The following MEGF11 variants were observed in gnomAD, a reference collection of about 807,000 sequenced individuals.
MEGF11 encodes the protein multiple epidermal growth factor-like domains protein 11.
Under a neutral mutation model 146.6 loss-of-function variants are expected in MEGF11, and 126 were observed. That is an observed-to-expected ratio of 0.86 (90% CI 0.74 to 1.00). The LOEUF (loss-of-function observed/expected upper bound fraction) is 1.00, where lower values mean the gene tolerates loss of function less well. MEGF11 is among the 50% of genes least tolerant of loss of function. The probability of loss-of-function intolerance (pLI) is 0.00; values close to 1 mark genes in which losing one functional copy is unlikely to be tolerated. For synonymous variants in MEGF11, 532 were observed against 583.4 expected (o/e 0.91, Z 1.27); for missense variants, 1,509 against 1,521.2 (o/e 0.99, Z 0.13).
chr15:65,960,754 T>C (rs1567177473), intron 9 of MEGF11, among the ~76,000 whole-genome samples: 1 of 152,194 alleles, frequency 6.6e-6, no homozygotes, highest in Non-Finnish European at 1.5e-5. Flanking sequence ...CATTACACGC[T>C]CTTATTTTGG....
chr15:65,987,522 T>A (rs2081905440), intron 5 of MEGF11, among the ~76,000 whole-genome samples: 1 of 152,136 alleles, frequency 6.6e-6, no homozygotes, highest in African/African-American at 2.4e-5. Flanking sequence ...AGCATACAAA[T>A]TTCCATTTTA....
chr15:66,182,768 G>A (rs1352581590), intron 1 of MEGF11, among the ~76,000 whole-genome samples: 1 of 152,160 alleles, frequency 6.6e-6, no homozygotes, highest in Non-Finnish European at 1.5e-5. Flanking sequence ...CTTTCCACTT[G>A]CAAAATAAGC....
intron 1 of MEGF11, among the ~76,000 whole-genome samples, chr15:66,169,619 T>A (rs1384596110): frequency 6.6e-6 from 1 of 152,268 alleles, no homozygotes; most frequent in Non-Finnish European, 1.5e-5. Context: ...CACTGACATC[T>A]CCTTTGGGAA....
At chr15:66,209,630 G>T (rs557417423) in intron 1 of MEGF11, among the ~76,000 whole-genome samples, 3 of 152,284 alleles carry the variant, frequency 2.0e-5, no homozygotes, top group East Asian at 1.9e-4. Context: ...AATCTCCAGA[G>T]AATTATGCTA....
At chr15:66,175,042 G>C (rs2090356799) in intron 1 of MEGF11, among the ~76,000 whole-genome samples, 1 of 152,108 alleles carries the variant, frequency 6.6e-6, no homozygotes, top group South Asian at 2.1e-4. Flanking sequence ...TTTGTGTGTT[G>C]ATTTTGTATC....
chr15:66,026,710 G>A (rs190467624), intron 5 of MEGF11, among the ~76,000 whole-genome samples: 2 of 151,380 alleles, frequency 1.3e-5, no homozygotes, highest in South Asian at 2.1e-4. Flanking sequence ...GGATGGTCTC[G>A]ATCTCCTGAC....
chr15:65,941,322 A>G (rs1484854755), intron 10 of MEGF11, among the ~76,000 whole-genome samples: 1 of 152,030 alleles, frequency 6.6e-6, no homozygotes, highest in Non-Finnish European at 1.5e-5. Flanking sequence ...AGGCTGAGGC[A>G]CAAGAATAGC....
At chr15:66,045,427 G>A (rs1426272649) in intron 5 of MEGF11, among the ~76,000 whole-genome samples, 4 of 152,156 alleles carry the variant, frequency 2.6e-5, no homozygotes, top group African/African-American at 4.8e-5. Flanking sequence ...CTTTCTGAGG[G>A]CTCGCCTGCC....
At chr15:66,198,027 CCAGCCTGGGCACTA>C (rs1240916858) in intron 1 of MEGF11, among the ~76,000 whole-genome samples, 1 of 152,192 alleles carries the variant, frequency 6.6e-6, no homozygotes, top group African/African-American at 2.4e-5. Flanking sequence ...GAGTTCAAGA[CCAGCCTGGGCACTA>C]CAGTGAGACC....
intron 1 of MEGF11, among the ~76,000 whole-genome samples, chr15:66,245,743 AT>A (rs1305153501): frequency 2.0e-5 from 3 of 152,212 alleles, no homozygotes; most frequent in African/African-American, 7.2e-5. Context: ...TTCCGGACTC[AT>A]TGCAGAGACT....
intron 5 of MEGF11, among the ~76,000 whole-genome samples, chr15:66,029,817 C>T (rs1014439115): frequency 2.6e-5 from 4 of 152,364 alleles, no homozygotes; most frequent in Middle Eastern, 3.4e-3. Flanking sequence ...CCGGCTTCCA[C>T]TGCCTATGAC....
chr15:66,232,006 C>A (rs929901131), intron 1 of MEGF11, among the ~76,000 whole-genome samples: 12 of 152,176 alleles, frequency 7.9e-5, no homozygotes, highest in Non-Finnish European at 7.3e-5. Flanking sequence ...AACTGAGGTA[C>A]ACAGAAGCTA....
intron 5 of MEGF11, among the ~76,000 whole-genome samples, chr15:65,990,070 C>T (rs2081981196): frequency 6.6e-6 from 1 of 152,090 alleles, no homozygotes; most frequent in Non-Finnish European, 1.5e-5. Context: ...AATTATCCAG[C>T]TGTGGTGGTG....
At chr15:66,080,087 G>A (rs183940889) in intron 5 of MEGF11, among the ~76,000 whole-genome samples, 3 of 152,328 alleles carry the variant, frequency 2.0e-5, no homozygotes, top group African/African-American at 4.8e-5. Flanking sequence ...AGCCAAGGGC[G>A]GAGAGATGGA....
intron 9 of MEGF11, among the ~76,000 whole-genome samples, chr15:65,960,680 G>A (rs2080827501): frequency 6.6e-6 from 1 of 152,344 alleles, no homozygotes; most frequent in Non-Finnish European, 1.5e-5. Context: ...GCACCTTTCT[G>A]TCTCTTCCAT....
intron 10 of MEGF11, among the ~76,000 whole-genome samples, chr15:65,947,768 G>T (rs907551126): frequency 1.3e-5 from 2 of 152,100 alleles, no homozygotes; most frequent in Non-Finnish European, 2.9e-5. Context: ...AAGAAAACCG[G>T]GTATACTTAA....
At chr15:66,201,839 C>G (rs893717619) in intron 1 of MEGF11, among the ~76,000 whole-genome samples, 15 of 144,700 alleles carry the variant, frequency 1.0e-4, no homozygotes, top group African/African-American at 3.9e-4. Context: ...CCCAGCTACT[C>G]GGGAGGTTGA....
intron 1 of MEGF11, among the ~76,000 whole-genome samples, chr15:66,202,794 A>G (rs1002139382): frequency 6.6e-6 from 1 of 152,214 alleles, no homozygotes; most frequent in African/African-American, 2.4e-5. Context: ...GCCCACAGGC[A>G]GGTAAGTAGC....
At chr15:66,103,675 G>C (rs1454008648) in intron 4 of MEGF11, among the ~76,000 whole-genome samples, 1 of 152,162 alleles carries the variant, frequency 6.6e-6, no homozygotes, top group Non-Finnish European at 1.5e-5. Flanking sequence ...TCAGGGGCTG[G>C]TGAGGACAAA....
Sources: gnomAD v4.1 joint callset for allele counts (sites outside exome capture counted in the v4.1 genomes callset) on GRCh38, gnomAD v4.1.1 for gene constraint, MANE v1.5 for transcripts, NCBI Gene and HGNC (gene_info 2026-07-23, HGNC 2026-07-21) for gene names.